DAP3: variants seen among roughly 807,000 people sequenced by gnomAD.
DAP3 encodes the protein small ribosomal subunit protein mS29.
Under a neutral mutation model 51.9 loss-of-function variants are expected in DAP3, and 28 were observed. The ratio of observed to expected loss-of-function variants is 0.54; its 90% CI spans 0.40 to 0.74. The LOEUF (loss-of-function observed/expected upper bound fraction) is 0.74, where lower values mean the gene tolerates loss of function less well. DAP3 is among the 30% of genes least tolerant of loss of function. The pLI, the probability that DAP3 is intolerant of heterozygous loss-of-function variation, is 0.00. For synonymous variants in DAP3, 170 were observed against 170.3 expected (o/e 1.00, Z 0.01); for missense variants, 458 against 483.5 (o/e 0.95, Z 0.49).
At chr1:155,697,101 T>C (rs1295385676) in intron 1 of DAP3, among the ~76,000 whole-genome samples, 2 of 152,194 alleles carry the variant, frequency 1.3e-5, no homozygotes, top group Non-Finnish European at 2.9e-5. Flanking sequence ...TTTTTAACTA[T>C]TTCATGGAAC....
intron 9 of DAP3, 74 bp downstream of exon 9, chr1:155,729,440 TTGTAGA>T: frequency 6.5e-7 from 1 of 1,534,516 alleles, no homozygotes; most frequent in Non-Finnish European, 8.8e-7. Flanking sequence ...GGTCTTAGCC[TTGTAGA>T]CCATGCAATA....
intron 2 of DAP3, 59 bp downstream of exon 2, chr1:155,709,883 G>A (rs1476121422): frequency 1.5e-5 from 22 of 1,516,680 alleles, no homozygotes; most frequent in Non-Finnish European, 2.0e-5. Flanking sequence ...CCAGATTCTT[G>A]TTTTCAGATG....
intron 1 of DAP3, among the ~76,000 whole-genome samples, chr1:155,690,876 A>G (rs1653709549): frequency 7.0e-6 from 1 of 142,032 alleles, no homozygotes; most frequent in Admixed American, 6.6e-5. Context: ...AGCAACTAGG[A>G]CTACAGGCAC....
chr1:155,717,946 G>C (rs893854979), intron 3 of DAP3, among the ~76,000 whole-genome samples: 1 of 152,086 alleles, frequency 6.6e-6, no homozygotes, highest in African/African-American at 2.4e-5. Context: ...TTAATTTGTG[G>C]TGTGTGCTGT....
At chr1:155,689,989 G>A (rs1242624149) in intron 1 of DAP3, among the ~76,000 whole-genome samples, 1 of 122,162 alleles carries the variant, frequency 8.2e-6, no homozygotes, top group Non-Finnish European at 1.5e-5. Flanking sequence ...GCAGAGTATT[G>A]CCGTGTTGTC....
intron 9 of DAP3, among the ~76,000 whole-genome samples, chr1:155,730,461 A>T (rs1659124233): frequency 6.6e-6 from 1 of 151,894 alleles, no homozygotes. Context: ...AAATATAAAA[A>T]ACTAGCTGGG....
rs1660055099 is a variant in DAP3 at position 155,738,984 on chromosome 1, T to G, written c.*742T>G. On this transcript the variant is annotated 3_prime_UTR_variant, in exon 13 of 13. Transcript: ENST00000368336. ...AAGACTCCGTCTCAAAATAAATAAA[T>G]AAATAAATAAATAAATAAATAATAA... is the stretch of plus-strand genomic sequence containing the variant. 1 of 150,584 alleles carries G rather than the reference T, an allele frequency of 6.6e-6. No homozygotes were observed. The highest frequency in any genetic ancestry group is 2.4e-5 in the African/African-American group (1 of 40,952). The allele number at this position is 150,584 out of a possible 1,614,324, so 9.3% of individuals were successfully genotyped here.
intron 6 of DAP3, among the ~76,000 whole-genome samples, chr1:155,726,455 A>AT (rs1164963950): frequency 2.0e-5 from 3 of 151,162 alleles, no homozygotes; most frequent in East Asian, 3.9e-4. Flanking sequence ...TGCCCGGCTA[A>AT]TTTTTTTTGT....
In DAP3 at chr1:155,722,879, G is replaced by T. The variant is rs1399043912; in HGVS notation, c.270+1261G>T. 2.0e-5 allele frequency among the ~76,000 whole-genome samples: 3 copies of T among 152,160 alleles called. No individual in the cohort carries two copies. In the East Asian group the frequency reaches 5.8e-4, roughly 29 times the overall value. ...TTTAAACTGTTCCAAGACATACACA[G>T]TACAATGTTTATTCAGCTTCAGAGC... On this transcript the variant is annotated intron_variant, in intron 4 of 12. Transcript: ENST00000368336.
At chr1:155,733,132 T>C (rs1375640959) in intron 11 of DAP3, among the ~76,000 whole-genome samples, 1 of 152,222 alleles carries the variant, frequency 6.6e-6, no homozygotes, top group Non-Finnish European at 1.5e-5. Flanking sequence ...ATGCCAGCTA[T>C]TTTGTAGGTC....
intron 7 of DAP3, among the ~76,000 whole-genome samples, chr1:155,728,428 G>T (rs1227885211): frequency 6.6e-6 from 1 of 151,874 alleles, no homozygotes; most frequent in Non-Finnish European, 1.5e-5. Context: ...CGGGTGTGGT[G>T]GTGCACGCCT....
chr1:155,725,788 C>T lies in DAP3; in HGVS notation c.380-139C>T, dbSNP rs548758207. 2.4e-4 allele frequency: 175 copies of T among 724,790 alleles called. 4 individuals carry two copies. The highest frequency in any genetic ancestry group is 1.2e-3 in the Middle Eastern group (3 of 2,604). 44.9% of individuals were successfully genotyped at this position (724,790 alleles called of 1,614,324 possible). A position where few individuals can be genotyped will look rare whatever the true frequency, so the allele number is the denominator to read the frequency against. The stretch of plus-strand genomic sequence containing the variant: ...CTGAGGCAGGAGAATCGCTTGAACC[C>T]GGGAAGCGGAGGTTGCTGTGAGCTG... On this transcript the variant is annotated intron_variant, in intron 5 of 12. Coordinates refer to ENST00000368336, the MANE Select transcript of DAP3 (RefSeq NM_004632.4).
At chr1:155,735,967 G>A (rs1188665276) in intron 11 of DAP3, among the ~76,000 whole-genome samples, 4 of 150,266 alleles carry the variant, frequency 2.7e-5, no homozygotes, top group African/African-American at 7.4e-5. Context: ...TCAGTCTCCC[G>A]AGTAGCTGGG....
intron 2 of DAP3, among the ~76,000 whole-genome samples, chr1:155,713,534 T>A (rs1449078114): frequency 1.3e-5 from 2 of 152,226 alleles, no homozygotes; most frequent in Non-Finnish European, 2.9e-5. Flanking sequence ...TCAGATTCTT[T>A]ATTCCAGGGC....
chr1:155,690,092 G>A (rs1024938250), intron 1 of DAP3, among the ~76,000 whole-genome samples: 5 of 141,450 alleles, frequency 3.5e-5, no homozygotes, highest in Non-Finnish European at 7.3e-5. Context: ...CAGGCCGGGC[G>A]TCTTGTTAAA....
In DAP3 at chr1:155,691,187, G is replaced by A. The variant is rs1225708270; in HGVS notation, c.-8+2013G>A. On this transcript the variant is annotated intron_variant, in intron 1 of 12. Coordinates refer to ENST00000368336, the MANE Select transcript of DAP3 (RefSeq NM_004632.4). Reference sequence around the variant, plus strand: ...CTCCCAAAGTGCTGGGATTACAGGCGTGAGCCACCATGCCCAGCCTCCACT... The same window carrying A: ...CTCCCAAAGTGCTGGGATTACAGGCATGAGCCACCATGCCCAGCCTCCACT... Among the ~76,000 whole-genome samples, 5 of 142,064 alleles carry A rather than the reference G, an allele frequency of 3.5e-5. 1 individual carries two copies. Among genetic ancestry groups the A allele is most frequent in the South Asian group, 2.1e-4 (1 of 4,832 alleles). The allele number at this position is 142,064 out of a possible 152,430, so 93.2% of individuals were successfully genotyped here. A position where few individuals can be genotyped will look rare whatever the true frequency, so the allele number is the denominator to read the frequency against.
chr1:155,717,641 C>G (rs1453725832), intron 3 of DAP3, among the ~76,000 whole-genome samples: 3 of 152,166 alleles, frequency 2.0e-5, no homozygotes, highest in Non-Finnish European at 2.9e-5. Flanking sequence ...TTAACAAACT[C>G]TGGTATGGAG....
chr1:155,708,925 C>T (rs988310356), intron 1 of DAP3: 34 of 152,104 alleles, frequency 2.2e-4, no homozygotes, highest in Non-Finnish European at 3.8e-4. Context: ...AGGACCGTCT[C>T]GATCTGACCT....
At chr1:155,729,392 T>C (rs2149194141) in intron 9 of DAP3, 26 bp downstream of exon 9, 1 of 1,610,148 alleles carries the variant, frequency 6.2e-7, no homozygotes, top group African/African-American at 1.3e-5. Flanking sequence ...GTCTCTATCT[T>C]GTTTCTCTGA....
Sources: gnomAD v4.1 joint callset for allele counts (sites outside exome capture counted in the v4.1 genomes callset) on GRCh38, gnomAD v4.1.1 for gene constraint, MANE v1.5 for transcripts, NCBI Gene and HGNC (gene_info 2026-07-23, HGNC 2026-07-21) for gene names.